KCND2: variants seen among roughly 807,000 people sequenced by gnomAD.
KCND2 encodes A-type voltage-gated potassium channel KCND2.
In KCND2, 16 loss-of-function variants were observed where a neutral mutation model predicts 54.4. The observed-to-expected ratio is 0.29, with a 90% confidence interval of 0.20 to 0.45. The LOEUF (loss-of-function observed/expected upper bound fraction) is 0.45. Ranked by LOEUF, KCND2 falls within the 20% of genes least tolerant of loss-of-function variation. The pLI is 1.00. For synonymous variants in KCND2, 317 were observed against 310.7 expected (o/e 1.02, Z -0.21); for missense variants, 486 against 824.2 (o/e 0.59, Z 5.02).
intron 1 of KCND2, among the ~76,000 whole-genome samples, chr7:120,401,428 T>C (rs894993534): frequency 7.2e-5 from 11 of 152,302 alleles, no homozygotes; most frequent in Admixed American, 4.6e-4. Context: ...ATTTATACTT[T>C]CTAATTCACC....
At chr7:120,298,013 T>G (rs2116289340) in intron 1 of KCND2, among the ~76,000 whole-genome samples, 1 of 152,278 alleles carries the variant, frequency 6.6e-6, no homozygotes, top group Admixed American at 6.5e-5. Context: ...GGAATGTGGC[T>G]AGGGTGATTG....
At chr7:120,427,557 T>C (rs973872728) in intron 1 of KCND2, among the ~76,000 whole-genome samples, 2 of 152,198 alleles carry the variant, frequency 1.3e-5, no homozygotes, top group Admixed American at 1.3e-4. Flanking sequence ...AGCTCTGGTA[T>C]CAAGTACAAT....
chr7:120,530,887 C>T (rs183422948), intron 1 of KCND2, among the ~76,000 whole-genome samples: 16 of 152,096 alleles, frequency 1.1e-4, no homozygotes, highest in Non-Finnish European at 2.1e-4. Context: ...TCACTTACTG[C>T]CCTTTTACAT....
At chr7:120,653,454 G>A (rs958578017) in intron 1 of KCND2, among the ~76,000 whole-genome samples, 10 of 152,190 alleles carry the variant, frequency 6.6e-5, no homozygotes, top group South Asian at 2.1e-4. Flanking sequence ...ACGGCCACTC[G>A]TTGACCTGGA....
intron 1 of KCND2, among the ~76,000 whole-genome samples, chr7:120,644,099 T>C (rs1793409124): frequency 6.6e-6 from 1 of 152,078 alleles, no homozygotes; most frequent in African/African-American, 2.4e-5. Flanking sequence ...CATAAGAAGA[T>C]GAATGAACTC....
At chr7:120,431,158 A>C (rs1801783601) in intron 1 of KCND2, among the ~76,000 whole-genome samples, 1 of 152,220 alleles carries the variant, frequency 6.6e-6, no homozygotes, top group African/African-American at 2.4e-5. Flanking sequence ...AAGCACAAGT[A>C]AGAAGAAATT....
intron 1 of KCND2, among the ~76,000 whole-genome samples, chr7:120,330,767 C>T (rs910412405): frequency 1.3e-5 from 2 of 151,914 alleles, no homozygotes; most frequent in Admixed American, 6.6e-5. Context: ...ATAGAATAAT[C>T]TTGAAGGTGC....
rs770631788 is a variant in KCND2 at position 120,274,718 on chromosome 7, C to G, written c.86C>G (p.Ala29Gly). Residue 29 changes from alanine (A) to glycine (G), a missense_variant, in exon 1 of 6, where the codon GCT (alanine) becomes GGT (glycine). This residue lies in a region of KCND2 where 231 missense variants were observed against 386.0 expected (regional missense o/e 0.60). Transcript: ENST00000331113. ...CCTGTGGCCTCGGGGCCTATGCCGG[C>G]TCCCCCGAGGCAGGAGAGGAAAAGG... ...WMPVASGPMPAPPRQERKRTQ... is the reference protein window; with the variant it reads ...WMPVASGPMPGPPRQERKRTQ... The G allele has an allele frequency of 6.2e-7, 1 of 1,613,756 alleles. No individual in the cohort carries two copies. The highest frequency in any genetic ancestry group is 1.3e-5 in the African/African-American group (1 of 74,880).
chr7:120,600,919 A>G (rs1259312232), intron 1 of KCND2, among the ~76,000 whole-genome samples: 2 of 152,110 alleles, frequency 1.3e-5, no homozygotes, highest in Admixed American at 6.5e-5. Context: ...CCCATTATGT[A>G]CTATACATTC....
At chr7:120,533,637 G>A (rs1317113867) in intron 1 of KCND2, among the ~76,000 whole-genome samples, 1 of 152,002 alleles carries the variant, frequency 6.6e-6, no homozygotes, top group African/African-American at 2.4e-5. Context: ...TAATGTATGG[G>A]TTTTATGGCA....
intron 1 of KCND2, among the ~76,000 whole-genome samples, chr7:120,488,010 A>G (rs1395372694): frequency 6.6e-6 from 1 of 151,892 alleles, no homozygotes; most frequent in Non-Finnish European, 1.5e-5. Context: ...GTGAAACCCC[A>G]TCTATACAAA....
intron 1 of KCND2, among the ~76,000 whole-genome samples, chr7:120,435,287 T>A (rs1205082304): frequency 2.1e-3 from 294 of 142,830 alleles, no homozygotes; most frequent in Non-Finnish European, 2.8e-3. Flanking sequence ...TTTTTTTTTT[T>A]AATTTTTAGT....
At chr7:120,311,572 T>C (rs1799737086) in intron 1 of KCND2, among the ~76,000 whole-genome samples, 2 of 152,156 alleles carry the variant, frequency 1.3e-5, no homozygotes, top group South Asian at 4.1e-4. Context: ...ATTTTCTCCT[T>C]TTTTAACTTC....
At chr7:120,486,689 CTT>C (rs1399142505) in intron 1 of KCND2, among the ~76,000 whole-genome samples, 1 of 144,016 alleles carries the variant, frequency 6.9e-6, no homozygotes. Context: ...TGTTTATTGT[CTT>C]TTTTTTTTTT....
At chr7:120,385,351 A>T (rs79116105) in intron 1 of KCND2, among the ~76,000 whole-genome samples, 1 of 152,018 alleles carries the variant, frequency 6.6e-6, no homozygotes, top group East Asian at 1.9e-4. Context: ...GAATATCTTG[A>T]ATGCATAAAT....
In KCND2 at chr7:120,468,836, G is replaced by A. The variant is rs185263178; in HGVS notation, c.1115+193089G>A. On this transcript the variant is annotated intron_variant, in intron 1 of 5. Transcript: ENST00000331113. ...ATTTCCTGGAAACCTGTCATAATGCGATTGCACAGGATATAGGCCCAGCTC... is the reference window on the plus strand; with the variant it reads ...ATTTCCTGGAAACCTGTCATAATGCAATTGCACAGGATATAGGCCCAGCTC... Among the ~76,000 whole-genome samples the A allele has an allele frequency of 1.6e-3, 245 of 152,204 alleles. 2 individuals are homozygous for A. Among genetic ancestry groups the A allele is most frequent in the African/African-American group, 5.3e-3 (220 of 41,544 alleles).
chr7:120,453,010 A>G (rs995050148), intron 1 of KCND2, among the ~76,000 whole-genome samples: 2 of 152,082 alleles, frequency 1.3e-5, no homozygotes, highest in Non-Finnish European at 2.9e-5. Context: ...TCCTCATCGT[A>G]GCTCCTTTGC....
intron 1 of KCND2, among the ~76,000 whole-genome samples, chr7:120,704,960 G>A (rs374132755): frequency 6.6e-6 from 1 of 152,266 alleles, no homozygotes; most frequent in East Asian, 1.9e-4. Flanking sequence ...AAATGAACGT[G>A]TAGAATAAAA....
intron 1 of KCND2, among the ~76,000 whole-genome samples, chr7:120,511,123 T>C (rs1487891702): frequency 6.6e-6 from 1 of 151,812 alleles, no homozygotes; most frequent in African/African-American, 2.4e-5. Context: ...GTACATGTCA[T>C]GAACACTACA....
Sources: allele counts gnomAD v4.1 joint callset (sites outside exome capture counted in the v4.1 genomes callset), GRCh38; gene constraint gnomAD v4.1.1; regional missense constraint gnomAD v4.1.1; transcripts MANE v1.5; gene names NCBI Gene and HGNC (gene_info 2026-07-23, HGNC 2026-07-21).